GALNT18: variants seen among roughly 807,000 people sequenced by gnomAD.
The protein encoded by GALNT18 is polypeptide N-acetylgalactosaminyltransferase 18, also known as GalNAc-transferase 18.
GALNT18 carries 44 observed loss-of-function variants against 69.5 expected under a neutral mutation model. That is an observed-to-expected ratio of 0.63 (90% CI 0.50 to 0.81). The LOEUF (loss-of-function observed/expected upper bound fraction) is 0.81. Ranked by LOEUF, GALNT18 falls within the 40% of genes least tolerant of loss-of-function variation. The pLI, the probability that GALNT18 is intolerant of heterozygous loss-of-function variation, is 0.00. For synonymous variants in GALNT18, 364 were observed against 318.2 expected, an observed-to-expected ratio of 1.14 and a Z score of -1.53; for missense variants, 715 against 810.0, an observed-to-expected ratio of 0.88 and a Z score of 1.42.
At chr11:11,447,206 G>A (rs1269018028) in intron 2 of GALNT18, among the ~76,000 whole-genome samples, 1 of 152,092 alleles carries the variant, frequency 6.6e-6, no homozygotes, top group Non-Finnish European at 1.5e-5. Context: ...CTGCCTGAAA[G>A]GTACTCCCCC....
chr11:11,433,768 T>C (rs1855331962), intron 2 of GALNT18, among the ~76,000 whole-genome samples: 1 of 152,214 alleles, frequency 6.6e-6, no homozygotes, highest in African/African-American at 2.4e-5. Context: ...TGCCCTTCCC[T>C]GCCTGATACT....
rs1449994691 is a variant in GALNT18, at chr11:11,309,571, T to C, written c.1513-16378A>G. ...TGTAAACCCCACCTCTATAGCCTTGTTCACCTTCTCCACACCTGTTCCCTG... is the reference window on the plus strand; with the variant it reads ...TGTAAACCCCACCTCTATAGCCTTGCTCACCTTCTCCACACCTGTTCCCTG... On this transcript the variant is annotated intron_variant, in intron 9 of 10. Transcript: ENST00000227756. The surrounding 1 kb of genome is among the most constrained non-coding windows in gnomAD (Gnocchi z 4.6). Among the ~76,000 whole-genome samples, 1 of 152,146 alleles carries C rather than the reference T, an allele frequency of 6.6e-6. No homozygotes were observed. The highest frequency in any genetic ancestry group is 1.5e-5 in the Non-Finnish European group (1 of 68,032).
chr11:11,289,512 G>A (rs886948552), intron 10 of GALNT18, among the ~76,000 whole-genome samples: 4 of 152,172 alleles, frequency 2.6e-5, no homozygotes, highest in African/African-American at 9.7e-5. Flanking sequence ...CATGCCCTGG[G>A]ATAAGGGAAG....
chr11:11,579,958 G>A (rs1859035086), intron 1 of GALNT18, among the ~76,000 whole-genome samples: 1 of 152,150 alleles, frequency 6.6e-6, no homozygotes, highest in Admixed American at 6.5e-5. Flanking sequence ...AACAAAAGAT[G>A]TGCCCCAACC....
chr11:11,573,545 C>A lies in GALNT18; in HGVS notation c.235+47814G>T, dbSNP rs1242057774. 2 of 152,152 alleles carry A rather than the reference C, an allele frequency of 1.3e-5. No homozygotes were observed. Among genetic ancestry groups the A allele is most frequent in the Non-Finnish European group, 2.9e-5 (2 of 68,046 alleles). 9.4% of individuals were successfully genotyped at this position (152,152 alleles called of 1,614,324 possible). ...TACAGATGCAGAACCTGATGCCCAGCAAAGGGGAAAGGATAGCAGGAGCCT... is the reference window on the plus strand; with the variant it reads ...TACAGATGCAGAACCTGATGCCCAGAAAAGGGGAAAGGATAGCAGGAGCCT... On this transcript the variant is annotated intron_variant, in intron 1 of 10. Transcript: ENST00000227756. This position sits in a 1 kb window ranked among gnomAD's most constrained non-coding sequence, Gnocchi z 4.6.
chr11:11,346,800 C>T (rs1850312244), intron 6 of GALNT18, among the ~76,000 whole-genome samples: 2 of 152,134 alleles, frequency 1.3e-5, no homozygotes, highest in African/African-American at 4.8e-5. Context: ...ACTGTTATCG[C>T]TTCTGAAGAG....
At chr11:11,609,639 G>A (rs1188296345) in intron 1 of GALNT18, among the ~76,000 whole-genome samples, 1 of 152,204 alleles carries the variant, frequency 6.6e-6, no homozygotes, top group Non-Finnish European at 1.5e-5. Context: ...AGCCAACACT[G>A]AGGAGAGTGG....
Position 11,271,091 on chromosome 11 carries a change from T to G in GALNT18, c.*53A>C. On this transcript the variant is annotated 3_prime_UTR_variant, in exon 11 of 11. Coordinates refer to ENST00000227756, the MANE Select transcript of GALNT18 (RefSeq NM_198516.3). ...ACCCCACGTGGACAGCAGGCAACGTTGCAGCAGGTGCTACACAGTAGCAAA... is the reference window on the plus strand; with the variant it reads ...ACCCCACGTGGACAGCAGGCAACGTGGCAGCAGGTGCTACACAGTAGCAAA... 6.5e-7 allele frequency: 1 copy of G among 1,550,330 alleles called. No homozygotes were observed.
chr11:11,326,383 A>G (rs1849919446), intron 9 of GALNT18, among the ~76,000 whole-genome samples: 1 of 152,210 alleles, frequency 6.6e-6, no homozygotes, highest in Non-Finnish European at 1.5e-5. Context: ...TCTGGAGATA[A>G]GTAAACTCTG....
chr11:11,578,760 G>C (rs1272232142), intron 1 of GALNT18, among the ~76,000 whole-genome samples: 1 of 152,190 alleles, frequency 6.6e-6, no homozygotes, highest in Non-Finnish European at 1.5e-5. Context: ...GCCTTCCTTC[G>C]GGACTCCTGC....
intron 1 of GALNT18, among the ~76,000 whole-genome samples, chr11:11,460,296 T>C (rs181571839): frequency 6.6e-6 from 1 of 152,310 alleles, no homozygotes; most frequent in African/African-American, 2.4e-5. Flanking sequence ...GTGTGGCTTT[T>C]CCCATCTATT....
At position 11,274,709 on chromosome 11, in the gene GALNT18, C is replaced by T. The variant is rs527760183; in HGVS notation, c.1678-3419G>A. On this transcript the variant is annotated intron_variant, in intron 10 of 10. Coordinates refer to ENST00000227756, the MANE Select transcript of GALNT18 (RefSeq NM_198516.3). ...ATGTTATTCCTCCCCTAGCCCTCCA[C>T]TCCCTGACAAGCCCCAGTGTGTGAT... 2.6e-5 allele frequency among the ~76,000 whole-genome samples: 4 copies of T among 152,332 alleles called. No homozygotes were observed. The East Asian group carries it at 5.8e-4, about 22-fold the overall frequency.
At position 11,388,710 on chromosome 11, in the gene GALNT18, T is replaced by C. The variant is rs1477864443; in HGVS notation, c.596-9446A>G. On this transcript the variant is annotated intron_variant, in intron 3 of 10. Transcript: ENST00000227756. ...CTAACGCCCAGGGCTGGTCTAACGCTCTGTGACCCTTCCCCTACACCACAT... is the reference window on the plus strand; with the variant it reads ...CTAACGCCCAGGGCTGGTCTAACGCCCTGTGACCCTTCCCCTACACCACAT... Among the ~76,000 whole-genome samples the C allele has an allele frequency of 2.0e-5, 3 of 152,212 alleles. No homozygotes were observed. In the East Asian group the frequency reaches 5.8e-4, roughly 29 times the overall value.
intron 1 of GALNT18, among the ~76,000 whole-genome samples, chr11:11,526,698 A>G (rs1374799023): frequency 6.6e-6 from 1 of 152,100 alleles, no homozygotes; most frequent in Non-Finnish European, 1.5e-5. Flanking sequence ...CATTGGGAAA[A>G]GAGCTGCTAG....
intron 1 of GALNT18, among the ~76,000 whole-genome samples, chr11:11,510,976 T>C (rs1011571116): frequency 1.3e-5 from 2 of 152,136 alleles, no homozygotes; most frequent in East Asian, 1.9e-4. Flanking sequence ...AACATGAGGA[T>C]GGTGCCCGGA....
intron 1 of GALNT18, among the ~76,000 whole-genome samples, chr11:11,607,103 G>T (rs1859776074): frequency 6.6e-6 from 1 of 152,160 alleles, no homozygotes. Context: ...TTCCACTATT[G>T]ACCAGAGTGA....
intron 10 of GALNT18, among the ~76,000 whole-genome samples, chr11:11,286,327 C>T (rs1484574029): frequency 2.0e-5 from 3 of 152,176 alleles, no homozygotes; most frequent in African/African-American, 7.2e-5. Context: ...GGAAGAAGTG[C>T]GTGTTTATGC....
Position 11,564,745 on chromosome 11 carries a change from C to T in GALNT18, c.235+56614G>A, listed in dbSNP as rs1269584854. Among the ~76,000 whole-genome samples, 1 of 152,198 alleles carries T rather than the reference C, an allele frequency of 6.6e-6. No homozygotes were observed. Among genetic ancestry groups the T allele is most frequent in the Non-Finnish European group, 1.5e-5 (1 of 68,036 alleles). ...ATTTGCCTAGACTATCCCTGGTCAA[C>T]CTTTACTCTAGGTTGTGCTGTTGGT... is the stretch of plus-strand genomic sequence containing the variant. On this transcript the variant is annotated intron_variant, in intron 1 of 10. Transcript: ENST00000227756. This position sits in a 1 kb window ranked among gnomAD's most constrained non-coding sequence, Gnocchi z 4.3.
rs530230277 is a variant in GALNT18, at chr11:11,571,579, G to A, written c.235+49780C>T. On this transcript the variant is annotated intron_variant, in intron 1 of 10. Coordinates refer to ENST00000227756, the MANE Select transcript of GALNT18 (RefSeq NM_198516.3). The stretch of plus-strand genomic sequence containing the variant: ...CCTGGGCAGTGAGGCCCACTGTGCA[G>A]ATCAACCGCATGTCCAGGAGCCCTT... 5.3e-5 allele frequency among the ~76,000 whole-genome samples: 8 copies of A among 152,320 alleles called. No homozygotes were observed. In the South Asian group the frequency reaches 1.7e-3, roughly 32 times the overall value.
Sources: gnomAD v4.1 joint callset for allele counts (sites outside exome capture counted in the v4.1 genomes callset) on GRCh38, gnomAD v4.1.1 for gene constraint, Gnocchi (gnomAD v3.1) non-coding constraint, MANE v1.5 for transcripts, NCBI Gene and HGNC (gene_info 2026-07-23, HGNC 2026-07-21) for gene names.